ZNF33B: variants seen among roughly 807,000 people sequenced by gnomAD.
The protein encoded by ZNF33B is zinc finger protein 11b (KOX 2).
In ZNF33B, 29 loss-of-function variants were observed where a neutral mutation model predicts 45.8. The observed-to-expected ratio is 0.63, with a 90% CI of 0.47 to 0.86. The LOEUF is 0.86. Ranked by LOEUF, ZNF33B falls within the 40% of genes least tolerant of loss-of-function variation. The pLI, the probability that ZNF33B is intolerant of heterozygous loss-of-function variation, is 0.00. For missense variants in ZNF33B, 831 were observed against 909.9 expected (o/e 0.91, Z 1.12); for synonymous variants, 305 against 307.8 (o/e 0.99, Z 0.10).
At position 42,632,033 on chromosome 10, in the gene ZNF33B, A is replaced by C; in HGVS notation, c.155-9T>G. The C allele has an allele frequency of 6.2e-7, 1 of 1,613,692 alleles. No homozygotes were observed. Among genetic ancestry groups the C allele is most frequent in the South Asian group, 1.1e-5 (1 of 91,074 alleles). On this transcript the variant is annotated splice_polypyrimidine_tract_variant and intron_variant, in intron 3 of 4. Coordinates refer to ENST00000359467, the MANE Select transcript of ZNF33B (RefSeq NM_006955.3). ...TTTGTGAGCACAATACCCTGTTAAC[A>C]GGAAATAATTTAGGATTTGGACCAA...
rs775947430 is a variant in ZNF33B at position 42,594,505 on chromosome 10, A to G, written c.445T>C (p.Phe149Leu). Residue 149 changes from phenylalanine to leucine, a missense_variant, in exon 5 of 5, where the codon TTC (phenylalanine) becomes CTC (leucine). Phe to Leu is a conservative substitution (Grantham distance 22). Coordinates refer to ENST00000359467, the MANE Select transcript of ZNF33B (RefSeq NM_006955.3). ...ATAACCAATTCTGAAACAGTGTTGA[A>G]ACTCATTCCACGTGAGTCATACTGA... ...FCQYDSRGMS[F>L]NTVSELVISK... 2 of 1,613,248 alleles carry G rather than the reference A, an allele frequency of 1.2e-6. No individual in the cohort carries two copies. The highest frequency in any genetic ancestry group is 2.2e-5 in the South Asian group (2 of 90,880).
intron 4 of ZNF33B, among the ~76,000 whole-genome samples, chr10:42,606,184 G>A (rs1837841417): frequency 6.6e-6 from 1 of 152,004 alleles, no homozygotes; most frequent in Non-Finnish European, 1.5e-5. Flanking sequence ...AAGCAGAGCA[G>A]CTGGGTGTGG....
intron 4 of ZNF33B, among the ~76,000 whole-genome samples, chr10:42,619,836 C>G (rs1382003991): frequency 6.6e-6 from 1 of 152,062 alleles, no homozygotes; most frequent in Non-Finnish European, 1.5e-5. Context: ...AAGTAATCCT[C>G]ATGTTTAATT....
In ZNF33B at chr10:42,593,613, C is replaced by T; in HGVS notation, c.1337G>A (p.Cys446Tyr). The change falls in exon 5 of 5, where the codon TGT becomes TAT. Residue 446 changes from cysteine (C) to tyrosine (Y), a missense_variant. Transcript: ENST00000359467. Reference protein sequence around the residue: ...TGQKPYECYECGKSFCMNSHL... With the variant: ...TGQKPYECYEYGKSFCMNSHL... ...TGAATTCATACAGAAGGATTTTCCA[C>T]ATTCATAACATTCATAGGGTTTCTG... is the stretch of plus-strand genomic sequence containing the variant. 6.2e-7 allele frequency: 1 copy of T among 1,614,010 alleles called. No homozygotes were observed. Among genetic ancestry groups the T allele is most frequent in the Non-Finnish European group, 8.5e-7 (1 of 1,179,942 alleles).
At chr10:42,625,680 T>A (rs1333434561) in intron 4 of ZNF33B, among the ~76,000 whole-genome samples, 1 of 152,106 alleles carries the variant, frequency 6.6e-6, no homozygotes, top group Admixed American at 6.5e-5. Context: ...TCCATATTGG[T>A]CAGGCTGCTC....
chr10:42,626,027 T>C (rs375274259), intron 4 of ZNF33B, among the ~76,000 whole-genome samples: 70 of 152,396 alleles, frequency 4.6e-4, no homozygotes, highest in African/African-American at 1.5e-3. Context: ...ATTTTGTGCA[T>C]GTTCATTTAT....
downstream of ZNF33B, among the ~76,000 whole-genome samples, chr10:42,587,091 A>G (rs1286086785): frequency 6.6e-6 from 1 of 152,182 alleles, no homozygotes; most frequent in Admixed American, 6.5e-5. Context: ...GCTGGCTCCT[A>G]AGATCACTAA....
downstream of ZNF33B, among the ~76,000 whole-genome samples, chr10:42,586,769 G>A (rs569595980): frequency 5.3e-5 from 8 of 152,346 alleles, no homozygotes; most frequent in East Asian, 1.5e-3. Context: ...CATGTGCAGA[G>A]ATGAGAGTGT....
intron 4 of ZNF33B, among the ~76,000 whole-genome samples, chr10:42,607,092 G>A (rs2132081888): frequency 6.6e-6 from 1 of 152,094 alleles, no homozygotes; most frequent in East Asian, 1.9e-4. Context: ...GTATTGTTGG[G>A]TTTTAAATAT....
chr10:42,574,964 T>C (rs1042387336), intron 1 of ZNF33B, among the ~76,000 whole-genome samples: 1 of 152,214 alleles, frequency 6.6e-6, no homozygotes, highest in Non-Finnish European at 1.5e-5. Flanking sequence ...TCATGGAAAC[T>C]GTCAGTTGGT....
Position 42,593,903 on chromosome 10 carries a change from C to T in ZNF33B, c.1047G>A (p.Arg349=), listed in dbSNP as rs1372508722. 8.1e-6 allele frequency: 13 copies of T among 1,613,820 alleles called. No individual in the cohort carries two copies. The East Asian group carries it at 2.9e-4, about 36-fold the overall frequency. ...WEKSHLTRHQ[R]VHTGEKHFQC... ...GAAAGTGTTTCTCTCCTGTGTGCAC[C>T]CTCTGATGTCGAGTGAGATGTGACT... The change falls in exon 5 of 5, where the codon AGG becomes AGA. Residue 349 remains arginine, a synonymous_variant. Transcript: ENST00000359467.
intron 2 of ZNF33B, among the ~76,000 whole-genome samples, chr10:42,633,449 C>T (rs1839143681): frequency 6.6e-6 from 1 of 152,098 alleles, no homozygotes; most frequent in African/African-American, 2.4e-5. Flanking sequence ...GACAAAACAA[C>T]ATTTACATAA....
At chr10:42,632,999 C>T (rs1839127993) in intron 2 of ZNF33B, 1 of 167,852 alleles carries the variant, frequency 6.0e-6, no homozygotes, top group African/African-American at 2.4e-5. Flanking sequence ...TAATTTTACA[C>T]CAATGGTCTC....
At chr10:42,575,295 A>G (rs991082687) in intron 1 of ZNF33B, among the ~76,000 whole-genome samples, 1 of 152,088 alleles carries the variant, frequency 6.6e-6, no homozygotes, top group Admixed American at 6.5e-5. Context: ...CTGAGTTGAC[A>G]CAGGGCCATC....
chr10:42,600,424 G>GA (rs1258102729), intron 4 of ZNF33B, among the ~76,000 whole-genome samples: 3 of 151,926 alleles, frequency 2.0e-5, no homozygotes, highest in Admixed American at 6.6e-5. Flanking sequence ...CTATCAATAT[G>GA]AAAAAAAATC....
intron 1 of ZNF33B, among the ~76,000 whole-genome samples, chr10:42,577,777 T>C (rs2132011269): frequency 6.6e-6 from 1 of 152,326 alleles, no homozygotes; most frequent in Non-Finnish European, 1.5e-5. Context: ...TGCTTGTAGA[T>C]AATGTATGCT....
At position 42,632,227 on chromosome 10, in the gene ZNF33B, A is replaced by T. The variant is rs1167917469; in HGVS notation, c.154+68T>A. ...TAAATAATGTCATTAAACTAGACAGACTGCCTATATGTTTTATAATCAAAA... is the reference window on the plus strand; with the variant it reads ...TAAATAATGTCATTAAACTAGACAGTCTGCCTATATGTTTTATAATCAAAA... On this transcript the variant is annotated intron_variant, in intron 3 of 4. Coordinates refer to ENST00000359467, the MANE Select transcript of ZNF33B (RefSeq NM_006955.3). The T allele has an allele frequency of 3.2e-6, 5 of 1,561,410 alleles. No individual in the cohort carries two copies. The African/African-American group carries it at 6.9e-5, about 21-fold the overall frequency.
At chr10:42,575,183 G>A (rs1231494274) in intron 1 of ZNF33B, among the ~76,000 whole-genome samples, 3 of 152,156 alleles carry the variant, frequency 2.0e-5, no homozygotes, top group Admixed American at 6.5e-5. Context: ...AAGCTAGGAC[G>A]ACACAGAGTG....
intron 4 of ZNF33B, among the ~76,000 whole-genome samples, chr10:42,613,415 G>T (rs553426451): frequency 6.6e-4 from 101 of 152,214 alleles, no homozygotes; most frequent in African/African-American, 2.2e-3. Flanking sequence ...GGGCATGGTG[G>T]TAAGCACCTG....
Sources: gnomAD v4.1 joint callset for allele counts (sites outside exome capture counted in the v4.1 genomes callset) on GRCh38, gnomAD v4.1.1 for gene constraint, MANE v1.5 for transcripts, NCBI Gene and HGNC (gene_info 2026-07-23, HGNC 2026-07-21) for gene names.